Variants in KLHL29 observed in about 807,000 individuals in gnomAD.
The protein encoded by KLHL29 is kelch-like protein 29.
KLHL29 carries 21 observed loss-of-function variants against 80.4 expected under a neutral mutation model. The ratio of observed to expected loss-of-function variants is 0.26; its 90% confidence interval spans 0.19 to 0.38. The LOEUF is 0.38. Ranked by LOEUF, KLHL29 falls within the 10% of genes least tolerant of loss-of-function variation. KLHL29 has a pLI of 1.00. For missense variants in KLHL29, 867 were observed against 1,223.9 expected (o/e 0.71, Z 4.35); for synonymous variants, 511 against 526.8 (o/e 0.97, Z 0.41).
intron 2 of KLHL29, among the ~76,000 whole-genome samples, chr2:23,494,638 C>A (rs760943754): frequency 6.6e-6 from 1 of 152,164 alleles, no homozygotes; most frequent in Admixed American, 6.5e-5. Flanking sequence ...GTTCTGAGAA[C>A]AGGATTTGTT....
At chr2:23,449,259 C>T (rs1315675506) in intron 1 of KLHL29, among the ~76,000 whole-genome samples, 1 of 152,180 alleles carries the variant, frequency 6.6e-6, no homozygotes, top group Non-Finnish European at 1.5e-5. Context: ...CTTGAGCTGG[C>T]TCTGAATCCT....
chr2:23,696,267 T>C lies in KLHL29; in HGVS notation c.1925-66T>C. The C allele has an allele frequency of 1.3e-6, 2 of 1,499,680 alleles. No homozygotes were observed. Among genetic ancestry groups the C allele is most frequent in the South Asian group, 2.4e-5 (2 of 82,124 alleles). 92.9% of individuals were successfully genotyped at this position (1,499,680 alleles called of 1,614,324 possible). On this transcript the variant is annotated intron_variant, in intron 10 of 13. Transcript: ENST00000486442. The surrounding 1 kb of genome is among the most constrained non-coding windows in gnomAD (Gnocchi z 5.5). ...TGAAGCCTTCCTCTGCCCCTGGGGCTGGGCCTGCTGACCCCAGGCCCCTCC... is the reference window on the plus strand; with the variant it reads ...TGAAGCCTTCCTCTGCCCCTGGGGCCGGGCCTGCTGACCCCAGGCCCCTCC...
At chr2:23,526,976 T>C (rs1003710932) in intron 2 of KLHL29, among the ~76,000 whole-genome samples, 1 of 152,146 alleles carries the variant, frequency 6.6e-6, no homozygotes, top group Non-Finnish European at 1.5e-5. Context: ...GGGGTTAGCA[T>C]GGTGGGCTGA....
In KLHL29 at chr2:23,681,900, A is replaced by G. The variant is rs1671093984; in HGVS notation, c.941-2499A>G. 1.3e-5 allele frequency among the ~76,000 whole-genome samples: 2 copies of G among 152,150 alleles called. No individual in the cohort carries two copies. The highest frequency in any genetic ancestry group is 2.9e-5 in the Non-Finnish European group (2 of 68,016). ...GAGCCTTATCCAGCCTGGCCCTGCAACTGGCCCTGTGCTGTCTCCCCTCCG... is the reference window on the plus strand; with the variant it reads ...GAGCCTTATCCAGCCTGGCCCTGCAGCTGGCCCTGTGCTGTCTCCCCTCCG... On this transcript the variant is annotated intron_variant, in intron 5 of 13. Transcript: ENST00000486442. This position sits in a 1 kb window ranked among gnomAD's most constrained non-coding sequence, Gnocchi z 4.2.
intron 1 of KLHL29, among the ~76,000 whole-genome samples, chr2:23,437,211 T>C (rs1177483642): frequency 6.6e-6 from 1 of 152,240 alleles, no homozygotes; most frequent in Non-Finnish European, 1.5e-5. Context: ...AAATCAACAG[T>C]CATTCTAATC....
intron 3 of KLHL29, among the ~76,000 whole-genome samples, chr2:23,631,987 G>A (rs535812307): frequency 4.6e-5 from 7 of 152,246 alleles, no homozygotes; most frequent in South Asian, 4.2e-4. Context: ...AGTACCTGCC[G>A]AGCATCCCCT....
intron 3 of KLHL29, among the ~76,000 whole-genome samples, chr2:23,573,237 A>G (rs2103503907): frequency 6.6e-6 from 1 of 152,176 alleles, no homozygotes; most frequent in Admixed American, 6.5e-5. Context: ...TCAAGATTTT[A>G]CTCTGACTTG....
chr2:23,436,452 C>T (rs1316284294), intron 1 of KLHL29, among the ~76,000 whole-genome samples: 1 of 152,096 alleles, frequency 6.6e-6, no homozygotes, highest in African/African-American at 2.4e-5. Context: ...TAGCCACAGA[C>T]ACCGCCTGGA....
chr2:23,615,873 C>G (rs1668991599), intron 3 of KLHL29, among the ~76,000 whole-genome samples: 1 of 152,202 alleles, frequency 6.6e-6, no homozygotes. Flanking sequence ...ATCAGCACAG[C>G]CAGTGCCTAT....
chr2:23,520,444 T>TGATGGAG (rs1558370243), intron 2 of KLHL29, among the ~76,000 whole-genome samples: 1 of 152,046 alleles, frequency 6.6e-6, no homozygotes, highest in African/African-American at 2.4e-5. Context: ...CCAGCCGGGG[T>TGATGGAG]GATGGAGGAA....
At chr2:23,643,435 T>C (rs1409988170) in intron 5 of KLHL29, 2 of 173,602 alleles carry the variant, frequency 1.2e-5, no homozygotes, top group Non-Finnish European at 2.5e-5. Flanking sequence ...TGTGAGACCT[T>C]GGGAAAGAGC....
In KLHL29 at chr2:23,691,881, G is replaced by GC. The variant is rs1188375089; in HGVS notation, c.1282+8dup. 2.6e-6 allele frequency: 4 copies of GC among 1,547,696 alleles called. No homozygotes were observed. In the East Asian group the frequency reaches 7.3e-5, roughly 28 times the overall value. On this transcript the variant is annotated splice_donor_region_variant and intron_variant, in intron 7 of 13. Coordinates refer to ENST00000486442, the MANE Select transcript of KLHL29 (RefSeq NM_052920.2). ...AAGTCTGCGTGTCCTTTCTCGGTGAGCCCGGGGGCCACATATGTCGCTTGG... is the reference window on the plus strand; with the variant it reads ...AAGTCTGCGTGTCCTTTCTCGGTGAGCCCCGGGGGCCACATATGTCGCTTGG...
At chr2:23,634,146 A>T (rs941450099) in intron 3 of KLHL29, among the ~76,000 whole-genome samples, 2 of 151,894 alleles carry the variant, frequency 1.3e-5, no homozygotes, top group Non-Finnish European at 2.9e-5. Flanking sequence ...GGTGCCCCTG[A>T]CCCAGAGTGC....
At chr2:23,458,334 C>A (rs1048607408) in intron 1 of KLHL29, among the ~76,000 whole-genome samples, 1 of 152,218 alleles carries the variant, frequency 6.6e-6, no homozygotes, top group African/African-American at 2.4e-5. Context: ...GCTTTGAGGG[C>A]CATTTTGTCT....
chr2:23,701,793 C>CTTTTTTTTTTTTTTTTT (rs70941586), intron 11 of KLHL29, among the ~76,000 whole-genome samples: 2 of 22,544 alleles, frequency 8.9e-5, no homozygotes, highest in Non-Finnish European at 9.9e-5. Context: ...CTTTTTTTTG[C>CTTTTTTTTTTTTTTTTT]TTTTTTTTTT....
At chr2:23,706,216 G>C (rs4233701) in intron 13 of KLHL29, among the ~76,000 whole-genome samples, 74,599 of 152,096 alleles carry the variant, frequency 0.49, 18,962 homozygotes, top group East Asian at 0.79. Context: ...TCGTCTCCTA[G>C]CCATGGTTAG....
At chr2:23,656,801 G>A (rs541974984) in intron 5 of KLHL29, among the ~76,000 whole-genome samples, 1 of 152,260 alleles carries the variant, frequency 6.6e-6, no homozygotes, top group East Asian at 1.9e-4. Context: ...CAGGCTTCCT[G>A]GCCGGCATCT....
intron 3 of KLHL29, among the ~76,000 whole-genome samples, chr2:23,605,383 C>T (rs942369253): frequency 6.6e-6 from 1 of 152,192 alleles, no homozygotes; most frequent in Non-Finnish European, 1.5e-5. Context: ...CAGGCATGAG[C>T]CACCACACCC....
At chr2:23,591,117 G>A (rs898009541) in intron 3 of KLHL29, among the ~76,000 whole-genome samples, 2 of 151,594 alleles carry the variant, frequency 1.3e-5, no homozygotes, top group Non-Finnish European at 2.9e-5. Flanking sequence ...AGCACACTCA[G>A]GGGACTCTGA....
Sources: allele counts gnomAD v4.1 joint callset (sites outside exome capture counted in the v4.1 genomes callset), GRCh38; gene constraint gnomAD v4.1.1; non-coding constraint Gnocchi (gnomAD v3.1); transcripts MANE v1.5; gene names NCBI Gene and HGNC (gene_info 2026-07-23, HGNC 2026-07-21).